Variants in ITGAM observed in about 807,000 individuals in gnomAD.
ITGAM encodes integrin alpha-M.
In ITGAM, 79 loss-of-function variants were observed where a neutral mutation model predicts 137.5. That is an observed-to-expected ratio of 0.57 (90% CI 0.48 to 0.69). The LOEUF (loss-of-function observed/expected upper bound fraction) is 0.69. Ranked by LOEUF, ITGAM falls within the 30% of genes least tolerant of loss-of-function variation. The pLI, the probability that ITGAM is intolerant of heterozygous loss-of-function variation, is 0.00. For missense variants in ITGAM, 1,343 were observed against 1,483.5 expected (o/e 0.91, Z 1.56); for synonymous variants, 583 against 592.3 (o/e 0.98, Z 0.23).
At chr16:31,329,383 G>C in intron 24 of ITGAM, 80 bp downstream of exon 24, 1 of 1,049,940 alleles carries the variant, frequency 9.5e-7, no homozygotes, top group Non-Finnish European at 1.5e-6. Flanking sequence ...AACAGGGATG[G>C]GAAATGTGCG....
At chr16:31,284,211 G>T (rs997573773) in intron 12 of ITGAM, among the ~76,000 whole-genome samples, 7 of 152,218 alleles carry the variant, frequency 4.6e-5, no homozygotes, top group Non-Finnish European at 1.0e-4. Flanking sequence ...TCTGTTCTCA[G>T]ATCCAAGCTG....
At chr16:31,272,769 C>T (rs1176083643) in intron 7 of ITGAM, among the ~76,000 whole-genome samples, 2 of 151,202 alleles carry the variant, frequency 1.3e-5, no homozygotes, top group African/African-American at 4.9e-5. Flanking sequence ...CAAGTGTCAG[C>T]CATAAATATA....
intron 12 of ITGAM, among the ~76,000 whole-genome samples, chr16:31,278,382 GC>G (rs1328945183): frequency 6.6e-6 from 1 of 152,116 alleles, no homozygotes; most frequent in Non-Finnish European, 1.5e-5. Context: ...AACCAGGATA[GC>G]CATGTTAGTT....
chr16:31,281,024 T>C (rs1263145630), intron 12 of ITGAM, among the ~76,000 whole-genome samples: 1 of 152,208 alleles, frequency 6.6e-6, no homozygotes, highest in East Asian at 1.9e-4. Flanking sequence ...TTATGTTTAT[T>C]GATTTGCATA....
intron 12 of ITGAM, among the ~76,000 whole-genome samples, chr16:31,278,729 T>A (rs2079936695): frequency 1.3e-5 from 2 of 152,138 alleles, no homozygotes; most frequent in Admixed American, 1.3e-4. Context: ...GTGCCTATAG[T>A]TCTTTATTTT....
At chr16:31,329,587 C>T (rs970810960) in intron 24 of ITGAM, among the ~76,000 whole-genome samples, 7 of 152,048 alleles carry the variant, frequency 4.6e-5, no homozygotes, top group Non-Finnish European at 1.0e-4. Context: ...ACAGAACAAG[C>T]TCGAGGTCTC....
rs1567243969 is a variant in ITGAM, at chr16:31,262,357, TTCC to T, written c.134+562_134+564del. Among the ~76,000 whole-genome samples the T allele has an allele frequency of 1.1e-4, 14 of 123,758 alleles. No homozygotes were observed. The South Asian group carries it at 3.7e-3, about 32-fold the overall frequency. 81.2% of individuals were successfully genotyped at this position (123,758 alleles called of 152,430 possible). On this transcript the variant is annotated intron_variant, in intron 2 of 29. Transcript: ENST00000544665. ...CTTCCATCCTTCCTTCCTTCCTTCC[TTCC>T]TTCCTTCCTTCCTTCCTTCCTTCCT...
chr16:31,266,103 C>G lies in ITGAM; in HGVS notation c.383C>G (p.Ser128Cys). 1 of 1,613,916 alleles carries G rather than the reference C, an allele frequency of 6.2e-7. No individual in the cohort carries two copies. The highest frequency in any genetic ancestry group is 8.5e-7 in the Non-Finnish European group (1 of 1,179,880). ...AAAGGGCTCTGCTTCCTGTTTGGAT[C>G]CAACCTACGGCAGCAGCCCCAGAAG... Reference protein sequence around the residue: ...YVKGLCFLFGSNLRQQPQKFP... With the variant: ...YVKGLCFLFGCNLRQQPQKFP... Residue 128 changes from serine (S) to cysteine (C), a missense_variant, in exon 5 of 30, where the codon TCC becomes TGC. Physicochemically the swap from Ser to Cys is moderately radical, Grantham distance 112. Coordinates refer to ENST00000544665, the MANE Select transcript of ITGAM (RefSeq NM_000632.4).
At chr16:31,269,672 G>A (rs1326287051) in intron 5 of ITGAM, among the ~76,000 whole-genome samples, 1 of 152,178 alleles carries the variant, frequency 6.6e-6, no homozygotes, top group East Asian at 1.9e-4. Flanking sequence ...AGCCATCAGG[G>A]ACTTTCCAAG....
At chr16:31,299,765 T>TCC (rs1555468128) in intron 14 of ITGAM, among the ~76,000 whole-genome samples, 3 of 121,736 alleles carry the variant, frequency 2.5e-5, no homozygotes, top group African/African-American at 4.2e-5. Flanking sequence ...CCTCCTCCTC[T>TCC]TCCTCCTCCT....
At chr16:31,262,804 G>A (rs1318124049) in intron 2 of ITGAM, among the ~76,000 whole-genome samples, 1 of 152,158 alleles carries the variant, frequency 6.6e-6, no homozygotes, top group Non-Finnish European at 1.5e-5. Context: ...AACAGTAATT[G>A]TGGAGGTGAT....
chr16:31,263,986 C>T (rs2079735542), intron 2 of ITGAM, among the ~76,000 whole-genome samples: 1 of 150,852 alleles, frequency 6.6e-6, no homozygotes, highest in African/African-American at 2.4e-5. Flanking sequence ...CAGGTGCGTG[C>T]CACCACGCCT....
rs747905386 is a variant in ITGAM, at chr16:31,324,728, C to T, written c.2235C>T (p.Phe745=). The T allele has an allele frequency of 2.3e-5, 37 of 1,597,120 alleles. No homozygotes were observed. The highest frequency in any genetic ancestry group is 4.5e-5 in the East Asian group (2 of 44,804). Residue 745 remains phenylalanine, a synonymous_variant, in exon 18 of 30, where the codon TTC becomes TTT. Transcript: ENST00000544665. The surrounding 1 kb of genome is among the most constrained non-coding windows in gnomAD (Gnocchi z 4.5). ...FSLVGTPLSA[F]GNLRPVLAED... is the part of the protein sequence containing the mutation. ...TGGTGGGAACGCCATTGTCTGCTTTCGGGAACCTCCGGCCAGTGCTGGCGG... is the reference window on the plus strand; with the variant it reads ...TGGTGGGAACGCCATTGTCTGCTTTTGGGAACCTCCGGCCAGTGCTGGCGG...
At chr16:31,297,446 GA>G (rs2080145491) in intron 12 of ITGAM, 67 bp from the exon 13 acceptor site, 2 of 1,600,874 alleles carry the variant, frequency 1.2e-6, no homozygotes, top group African/African-American at 2.7e-5. Context: ...CTTTTCTTCA[GA>G]GAGAGAAAAC....
chr16:31,263,846 T>G (rs200751048), intron 2 of ITGAM, among the ~76,000 whole-genome samples: 1 of 142,302 alleles, frequency 7.0e-6, no homozygotes, highest in Admixed American at 7.0e-5. Flanking sequence ...TTTATTTATT[T>G]ATTTATTGAG....
chr16:31,328,129 C>G lies in ITGAM; in HGVS notation c.2709-18C>G. On this transcript the variant is annotated intron_variant, in intron 22 of 29. Transcript: ENST00000544665. ...GTCAGTTCTCAAGAGCCGGCTGGAG[C>G]TCTTTCTTTCCCTCCAGTGAGAACA... is the stretch of plus-strand genomic sequence containing the variant. 1 of 1,598,200 alleles carries G rather than the reference C, an allele frequency of 6.3e-7. No individual in the cohort carries two copies. Among genetic ancestry groups the G allele is most frequent in the Non-Finnish European group, 8.6e-7 (1 of 1,165,680 alleles).
chr16:31,272,447 A>G (rs1220143895), intron 7 of ITGAM, among the ~76,000 whole-genome samples: 7 of 12,396 alleles, frequency 5.6e-4, no homozygotes, highest in African/African-American at 2.7e-3. Context: ...ATATATATAT[A>G]TATATATATA....
At chr16:31,300,394 G>A (rs12928810) in intron 14 of ITGAM, among the ~76,000 whole-genome samples, 27,139 of 152,108 alleles carry the variant, frequency 0.18, 3,065 homozygotes, top group African/African-American at 0.31. Context: ...TTGCAGTCTC[G>A]CCAACAGTGT....
chr16:31,329,106 C>A, intron 23 of ITGAM, 122 bp from the exon 24 acceptor site: 1 of 548,430 alleles, frequency 1.8e-6, no homozygotes. Flanking sequence ...CCCATCTCCA[C>A]CCCCCAGGAC....
Sources: gnomAD v4.1 joint callset for allele counts (sites outside exome capture counted in the v4.1 genomes callset) on GRCh38, gnomAD v4.1.1 for gene constraint, Gnocchi (gnomAD v3.1) non-coding constraint, MANE v1.5 for transcripts, NCBI Gene and HGNC (gene_info 2026-07-23, HGNC 2026-07-21) for gene names.